Variants in CDHR3 observed in about 807,000 individuals in gnomAD.
CDHR3 encodes the protein cadherin-related family member 3.
CDHR3 carries 79 observed loss-of-function variants against 86.6 expected under a neutral mutation model. The ratio of observed to expected loss-of-function variants is 0.91; its 90% confidence interval spans 0.76 to 1.10. The LOEUF (loss-of-function observed/expected upper bound fraction) is 1.10. Ranked by LOEUF, CDHR3 falls within the 50% of genes least tolerant of loss-of-function variation. The pLI, the probability that CDHR3 is intolerant of heterozygous loss-of-function variation, is 0.00. For missense variants in CDHR3, 1,081 were observed against 1,077.6 expected, an observed-to-expected ratio of 1.00 and a Z score of -0.04; for synonymous variants, 421 against 402.4, an observed-to-expected ratio of 1.05 and a Z score of -0.55.
At chr7:105,972,561 C>T (rs4730123) in intron 1 of CDHR3, among the ~76,000 whole-genome samples, 41,358 of 151,956 alleles carry the variant, frequency 0.27, 6,195 homozygotes, top group East Asian at 0.67. Flanking sequence ...TATGCATTTG[C>T]GAGAAAAGAG....
intron 16 of CDHR3, 150 bp from the exon 17 acceptor site, chr7:106,028,401 A>G: frequency 2.3e-6 from 2 of 854,860 alleles, no homozygotes; most frequent in Admixed American, 4.1e-5. Flanking sequence ...AAAGTTGTCA[A>G]GAAACATATC....
chr7:105,977,617 C>T (rs190664326), intron 2 of CDHR3, among the ~76,000 whole-genome samples: 6 of 152,344 alleles, frequency 3.9e-5, no homozygotes, highest in East Asian at 1.9e-4. Context: ...AACTACCCAA[C>T]GTCCTCTACC....
At chr7:106,028,995 T>TC (rs71155497) in intron 17 of CDHR3, among the ~76,000 whole-genome samples, 5 of 148,920 alleles carry the variant, frequency 3.4e-5, no homozygotes, top group East Asian at 2.0e-4. Context: ...TTTCTTTCTT[T>TC]TTAAGACACA....
chr7:106,009,634 G>T (rs1008118527), intron 8 of CDHR3, among the ~76,000 whole-genome samples: 1 of 152,190 alleles, frequency 6.6e-6, no homozygotes, highest in Non-Finnish European at 1.5e-5. Flanking sequence ...CCGCAGGGAG[G>T]AGGGCGGCGT....
rs183280522 is a variant in CDHR3 at position 106,030,941 on chromosome 7, C to G, written c.2353+101C>G. ...ATTTCCTGCTTTTAGCTCATTTTGT[C>G]AATCCGTTTGGCTATGTTGCCTATA... On this transcript the variant is annotated intron_variant, in intron 18 of 18. Coordinates refer to ENST00000317716, the MANE Select transcript of CDHR3 (RefSeq NM_152750.5). This position sits in a 1 kb window ranked among gnomAD's most constrained non-coding sequence, Gnocchi z 4.8. The G allele has an allele frequency of 8.4e-7, 1 of 1,195,234 alleles. No homozygotes were observed. The highest frequency in any genetic ancestry group is 2.5e-5 in the East Asian group (1 of 39,376). The allele number at this position is 1,195,234 out of a possible 1,614,324, so 74.0% of individuals were successfully genotyped here. A position where few individuals can be genotyped will look rare whatever the true frequency, so the allele number is the denominator to read the frequency against.
At chr7:105,976,699 C>G (rs1203587850) in intron 2 of CDHR3, among the ~76,000 whole-genome samples, 1 of 152,144 alleles carries the variant, frequency 6.6e-6, no homozygotes, top group African/African-American at 2.4e-5. Flanking sequence ...TGAATGGAAT[C>G]ATTATAGTAT....
At chr7:106,014,458 A>G (rs1288760610) in intron 9 of CDHR3, among the ~76,000 whole-genome samples, 3 of 152,224 alleles carry the variant, frequency 2.0e-5, no homozygotes, top group Non-Finnish European at 4.4e-5. Flanking sequence ...ACAAAATACT[A>G]TAACAAAAGT....
At chr7:106,004,274 A>C (rs574571409) in intron 7 of CDHR3, among the ~76,000 whole-genome samples, 194 of 152,382 alleles carry the variant, frequency 1.3e-3, no homozygotes, top group African/African-American at 4.5e-3. Flanking sequence ...CCAGGGACCC[A>C]ACTCTGAAGT....
In CDHR3 at chr7:106,028,544, T is replaced by C. The variant is rs1233952339; in HGVS notation, c.2273-7T>C. The C allele has an allele frequency of 1.9e-6, 3 of 1,613,872 alleles. No homozygotes were observed. The highest frequency in any genetic ancestry group is 2.7e-5 in the African/African-American group (2 of 74,938). ...AGCTTAACTTCTGCCTGTTCTGTTC[T>C]CTGCAGAAACGAAGACTGCAGAGAG... On this transcript the variant is annotated splice_region_variant and splice_polypyrimidine_tract_variant and intron_variant, in intron 16 of 18. Transcript: ENST00000317716.
rs76425107 is a variant in CDHR3 at position 106,012,005 on chromosome 7, G to A, written c.1053-855G>A. 1.8e-3 allele frequency among the ~76,000 whole-genome samples: 269 copies of A among 152,292 alleles called. 2 individuals carry two copies. The highest frequency in any genetic ancestry group is 6.8e-3 in the Middle Eastern group (2 of 294). Reference sequence around the variant, plus strand: ...CAATCTTCAAAGCATGGGAAATGAGGGGTACAGGGATTCTCCCTAGCCCAG... The same window carrying A: ...CAATCTTCAAAGCATGGGAAATGAGAGGTACAGGGATTCTCCCTAGCCCAG... On this transcript the variant is annotated intron_variant, in intron 8 of 18. Transcript: ENST00000317716.
intron 8 of CDHR3, among the ~76,000 whole-genome samples, chr7:106,007,698 A>G (rs1336803379): frequency 6.6e-6 from 1 of 152,234 alleles, no homozygotes; most frequent in Non-Finnish European, 1.5e-5. Flanking sequence ...GGTCAAAGCC[A>G]TTCAACAAGT....
rs1029110888 is a variant in CDHR3, at chr7:106,004,834, T to C, written c.1052+147T>C. Reference sequence around the variant, plus strand: ...AATCGATGTGAACTGTTCACTGTTGTCCACAGGTTTCCTTGTTATCGTCCT... The same window carrying C: ...AATCGATGTGAACTGTTCACTGTTGCCCACAGGTTTCCTTGTTATCGTCCT... On this transcript the variant is annotated intron_variant, in intron 8 of 18. Transcript: ENST00000317716. 3 of 714,118 alleles carry C rather than the reference T, an allele frequency of 4.2e-6. No individual in the cohort carries two copies. In the African/African-American group the frequency reaches 5.5e-5, roughly 13 times the overall value. 44.2% of individuals were successfully genotyped at this position (714,118 alleles called of 1,614,324 possible).
At chr7:106,020,271 T>A in intron 12 of CDHR3, 102 bp from the exon 13 acceptor site, 11 of 969,434 alleles carry the variant, frequency 1.1e-5, no homozygotes, top group Non-Finnish European at 1.7e-5. Flanking sequence ...TGAGTTTAAA[T>A]GAGCTAATTT....
At chr7:105,970,068 T>C (rs1239282776) in intron 1 of CDHR3, among the ~76,000 whole-genome samples, 1 of 152,124 alleles carries the variant, frequency 6.6e-6, no homozygotes, top group African/African-American at 2.4e-5. Flanking sequence ...TGCTGTTTGA[T>C]TAGGTACTAG....
chr7:105,974,211 A>G (rs1042182716), intron 1 of CDHR3, among the ~76,000 whole-genome samples: 6 of 152,246 alleles, frequency 3.9e-5, no homozygotes, highest in Admixed American at 1.3e-4. Context: ...TTCACATGCC[A>G]TCCCTGAGCC....
At chr7:106,010,328 G>T in intron 8 of CDHR3, among the ~76,000 whole-genome samples, 1 of 152,198 alleles carries the variant, frequency 6.6e-6, no homozygotes, top group East Asian at 1.9e-4. Flanking sequence ...GTGGGGACAA[G>T]AATACAAACC....
chr7:106,010,965 T>C (rs998066579), intron 8 of CDHR3, among the ~76,000 whole-genome samples: 1 of 152,230 alleles, frequency 6.6e-6, no homozygotes, highest in Non-Finnish European at 1.5e-5. Flanking sequence ...GAATGAGCCT[T>C]AGTATCTTTG....
intron 2 of CDHR3, among the ~76,000 whole-genome samples, chr7:105,977,227 G>A (rs1828967372): frequency 6.6e-6 from 1 of 152,180 alleles, no homozygotes; most frequent in Non-Finnish European, 1.5e-5. Context: ...AGATCACATA[G>A]CCGTAAAAGG....
intron 2 of CDHR3, among the ~76,000 whole-genome samples, chr7:105,979,287 A>C (rs925520535): frequency 1.3e-5 from 2 of 151,750 alleles, no homozygotes; most frequent in African/African-American, 4.8e-5. Flanking sequence ...CCTCACTACC[A>C]TGTGCCCAGC....
Sources: allele counts gnomAD v4.1 joint callset (sites outside exome capture counted in the v4.1 genomes callset), GRCh38; gene constraint gnomAD v4.1.1; non-coding constraint Gnocchi (gnomAD v3.1); transcripts MANE v1.5; gene names NCBI Gene and HGNC (gene_info 2026-07-23, HGNC 2026-07-21).